Variants in GPC5 observed in about 807,000 individuals in gnomAD.
The protein encoded by GPC5 is glypican-5.
A neutral mutation model predicts 53.9 loss-of-function variants in GPC5; 47 were observed. The observed-to-expected ratio is 0.87, with a 90% CI of 0.69 to 1.11. The LOEUF (loss-of-function observed/expected upper bound fraction) is 1.11. Among genes scored for constraint, GPC5 ranks in the 50% most tolerant of loss-of-function variants. The probability of loss-of-function intolerance (pLI) is 0.00; values close to 1 mark genes in which losing one functional copy is unlikely to be tolerated. For missense variants in GPC5, 748 were observed against 713.1 expected (o/e 1.05, Z -0.56); for synonymous variants, 286 against 263.3 (o/e 1.09, Z -0.84).
At chr13:91,458,250 C>T (rs75456689) in intron 2 of GPC5, among the ~76,000 whole-genome samples, 2,465 of 152,076 alleles carry the variant, frequency 0.016, 78 homozygotes, top group African/African-American at 0.055. Context: ...GTGGGGCATA[C>T]GGAGGGTGAT....
intron 2 of GPC5, among the ~76,000 whole-genome samples, chr13:91,615,840 G>T (rs1471713287): frequency 2.0e-5 from 3 of 152,044 alleles, no homozygotes; most frequent in African/African-American, 7.2e-5. Context: ...CATGTTCATT[G>T]CTAATCACTA....
At chr13:92,023,811 TA>T (rs2040779436) in intron 6 of GPC5, among the ~76,000 whole-genome samples, 1 of 152,090 alleles carries the variant, frequency 6.6e-6, no homozygotes, top group South Asian at 2.1e-4. Context: ...GGAAATAACC[TA>T]CATTTTACAT....
rs577544111 is a variant in GPC5 at position 91,519,017 on chromosome 13, T to A, written c.325+70095T>A. Among the ~76,000 whole-genome samples, 13 of 152,326 alleles carry A rather than the reference T, an allele frequency of 8.5e-5. 1 individual carries two copies. Among genetic ancestry groups the A allele is most frequent in the African/African-American group, 3.1e-4 (13 of 41,584 alleles). ...CATTTTACTATCCTGGAGATCTAGTTTGAAATACGGGACGTGTGAAAGGAA... is the reference window on the plus strand; with the variant it reads ...CATTTTACTATCCTGGAGATCTAGTATGAAATACGGGACGTGTGAAAGGAA... On this transcript the variant is annotated intron_variant, in intron 2 of 7. Coordinates refer to ENST00000377067, the MANE Select transcript of GPC5 (RefSeq NM_004466.6).
chr13:92,575,876 A>G (rs779220640), intron 7 of GPC5, among the ~76,000 whole-genome samples: 5 of 152,168 alleles, frequency 3.3e-5, no homozygotes, highest in Non-Finnish European at 7.4e-5. Flanking sequence ...ATTCAACTAC[A>G]AGAAAAGAGA....
At chr13:91,985,598 T>C (rs1482688708) in intron 6 of GPC5, among the ~76,000 whole-genome samples, 2 of 152,154 alleles carry the variant, frequency 1.3e-5, no homozygotes, top group Non-Finnish European at 2.9e-5. Context: ...CAGTTACACA[T>C]GTTTATTCAT....
chr13:92,570,977 CCTT>C (rs1230386753), intron 7 of GPC5, among the ~76,000 whole-genome samples: 1 of 152,122 alleles, frequency 6.6e-6, no homozygotes, highest in African/African-American at 2.4e-5. Flanking sequence ...TTTTTCTCCT[CCTT>C]CTTTTGATTC....
At chr13:91,464,315 C>T (rs1323116040) in intron 2 of GPC5, among the ~76,000 whole-genome samples, 1 of 152,086 alleles carries the variant, frequency 6.6e-6, no homozygotes, top group African/African-American at 2.4e-5. Flanking sequence ...AAACAGTTGG[C>T]AGTTTCTATT....
At chr13:92,275,247 A>G (rs9523578) in intron 7 of GPC5, among the ~76,000 whole-genome samples, 13,000 of 152,196 alleles carry the variant, frequency 0.085, 615 homozygotes, top group Middle Eastern at 0.12. Flanking sequence ...AAATACACAC[A>G]GGCTTCTGTA....
At chr13:92,379,747 G>A (rs1368768656) in intron 7 of GPC5, among the ~76,000 whole-genome samples, 2 of 152,090 alleles carry the variant, frequency 1.3e-5, no homozygotes, top group African/African-American at 4.8e-5. Flanking sequence ...TGTGCCCACT[G>A]CAAATTAGCA....
At chr13:91,750,383 G>A (rs1329918511) in intron 4 of GPC5, among the ~76,000 whole-genome samples, 1 of 152,140 alleles carries the variant, frequency 6.6e-6, no homozygotes, top group African/African-American at 2.4e-5. Context: ...CACAGTCCCT[G>A]AAGGATAATT....
chr13:92,310,128 T>C (rs1000181913), intron 7 of GPC5, among the ~76,000 whole-genome samples: 23 of 152,126 alleles, frequency 1.5e-4, no homozygotes, highest in South Asian at 2.1e-4. Flanking sequence ...TGTGTATGTA[T>C]GTTTATGTAT....
intron 1 of GPC5, among the ~76,000 whole-genome samples, chr13:91,438,255 A>G (rs1880139220): frequency 3.3e-5 from 5 of 152,082 alleles, no homozygotes; most frequent in Admixed American, 3.3e-4. Context: ...TAGAGTTTCC[A>G]GTTTTTCTGC....
intron 4 of GPC5, among the ~76,000 whole-genome samples, chr13:91,739,270 T>C (rs1324698082): frequency 6.6e-6 from 1 of 151,324 alleles, no homozygotes; most frequent in African/African-American, 2.5e-5. Context: ...GCCCTACTCA[T>C]ATCCTCTTCA....
intron 4 of GPC5, among the ~76,000 whole-genome samples, chr13:91,746,797 G>T (rs2037059873): frequency 6.6e-6 from 1 of 152,102 alleles, no homozygotes; most frequent in South Asian, 2.1e-4. Context: ...TCCAGTTTAT[G>T]GAATATTATA....
intron 6 of GPC5, among the ~76,000 whole-genome samples, chr13:92,008,565 T>C (rs1012937946): frequency 2.0e-5 from 3 of 152,118 alleles, no homozygotes; most frequent in Non-Finnish European, 4.4e-5. Context: ...AAAAATAATT[T>C]TGGAATAAAG....
intron 7 of GPC5, among the ~76,000 whole-genome samples, chr13:92,328,161 A>G (rs2043264868): frequency 6.6e-6 from 1 of 152,172 alleles, no homozygotes; most frequent in African/African-American, 2.4e-5. Flanking sequence ...TTCACTTTGT[A>G]CTTCTAGATA....
rs190859542 is a variant in GPC5 at position 91,755,242 on chromosome 13, C to T, written c.1155-1053C>T. On this transcript the variant is annotated intron_variant, in intron 4 of 7. Coordinates refer to ENST00000377067, the MANE Select transcript of GPC5 (RefSeq NM_004466.6). ...AGTTACTCCAGGCATAATTTAGAAT[C>T]ACCTGTCTTCTTTGATCTCATTTTT... is the stretch of plus-strand genomic sequence containing the variant. Among the ~76,000 whole-genome samples, 96 of 152,128 alleles carry T rather than the reference C, an allele frequency of 6.3e-4. 1 individual carries two copies. Among genetic ancestry groups the T allele is most frequent in the Admixed American group, 4.4e-3 (68 of 15,290 alleles).
chr13:92,223,119 C>T (rs2042461127), intron 7 of GPC5, among the ~76,000 whole-genome samples: 1 of 151,794 alleles, frequency 6.6e-6, no homozygotes, highest in South Asian at 2.1e-4. Context: ...GAACCTATTG[C>T]TGAACCTAAA....
chr13:92,000,922 C>A (rs904003125), intron 6 of GPC5, among the ~76,000 whole-genome samples: 2 of 152,182 alleles, frequency 1.3e-5, no homozygotes, highest in African/African-American at 4.8e-5. Flanking sequence ...ACTGAGAAAG[C>A]TGGGTGTGGA....
Sources: allele counts gnomAD v4.1 joint callset (sites outside exome capture counted in the v4.1 genomes callset), GRCh38; gene constraint gnomAD v4.1.1; transcripts MANE v1.5; gene names NCBI Gene and HGNC (gene_info 2026-07-23, HGNC 2026-07-21).